KHDRBS2: variants seen among roughly 807,000 people sequenced by gnomAD.
KHDRBS2 encodes KH domain-containing, RNA-binding, signal transduction-associated protein 2.
In KHDRBS2, 26 loss-of-function variants were observed where a neutral mutation model predicts 44.3. The ratio of observed to expected loss-of-function variants is 0.59; its 90% CI spans 0.43 to 0.81. The LOEUF (loss-of-function observed/expected upper bound fraction) is 0.81, where lower values mean the gene tolerates loss of function less well. Among genes scored for constraint, KHDRBS2 ranks in the 40% least tolerant of loss-of-function variants. The probability of loss-of-function intolerance (pLI) is 0.00; values close to 1 mark genes in which losing one functional copy is unlikely to be tolerated. For synonymous variants in KHDRBS2, 194 were observed against 151.1 expected (o/e 1.28, Z -2.08); for missense variants, 476 against 433.1 (o/e 1.10, Z -0.88).
chr6:61,671,125 G>A, the KHDRBS2 span, among the ~76,000 whole-genome samples: 11 of 151,638 alleles, frequency 7.3e-5, no homozygotes, highest in Non-Finnish European at 1.3e-4. Flanking sequence ...GTGTACCATT[G>A]TGAGACAAAA....
chr6:62,095,182 A>T (rs1318208256), intron 2 of KHDRBS2, among the ~76,000 whole-genome samples: 1 of 151,880 alleles, frequency 6.6e-6, no homozygotes, highest in Non-Finnish European at 1.5e-5. Flanking sequence ...AAATAAAGAA[A>T]GCAATCCCTT....
chr6:62,120,084 G>A (rs1178807779), intron 2 of KHDRBS2, among the ~76,000 whole-genome samples: 1 of 152,192 alleles, frequency 6.6e-6, no homozygotes, highest in Non-Finnish European at 1.5e-5. Context: ...TGAATTTATT[G>A]ATTTGGGCCC....
At chr6:61,829,504 G>GA (rs1296665338) in intron 6 of KHDRBS2, among the ~76,000 whole-genome samples, 1 of 151,648 alleles carries the variant, frequency 6.6e-6, no homozygotes, top group African/African-American at 2.4e-5. Flanking sequence ...TATTGGCTTA[G>GA]AAAAATAAAC....
intron 4 of KHDRBS2, among the ~76,000 whole-genome samples, chr6:61,945,041 A>G (rs2127378913): frequency 6.8e-6 from 1 of 146,408 alleles, no homozygotes; most frequent in South Asian, 2.2e-4. Flanking sequence ...CAGTAAGCCA[A>G]GATCGTGCCA....
intron 8 of KHDRBS2, among the ~76,000 whole-genome samples, chr6:61,688,375 ATCAT>A (rs1767040747): frequency 6.6e-6 from 1 of 151,958 alleles, no homozygotes. Flanking sequence ...AAAATGCTGA[ATCAT>A]TCAAAAGACT....
the KHDRBS2 span, among the ~76,000 whole-genome samples, chr6:61,564,783 G>C: frequency 6.6e-6 from 1 of 151,972 alleles, no homozygotes; most frequent in South Asian, 2.1e-4. Context: ...GGTCAGGCTT[G>C]TCTCTCATAA....
chr6:62,214,344 T>C (rs983946752), intron 1 of KHDRBS2, among the ~76,000 whole-genome samples: 8 of 152,210 alleles, frequency 5.3e-5, no homozygotes, highest in Admixed American at 2.0e-4. Flanking sequence ...ATGAAATTAA[T>C]GTATTATTAG....
In KHDRBS2 at chr6:62,246,102, T is replaced by TATATA. The variant is rs1835498957; in HGVS notation, c.91+39755_91+39756insTATAT. On this transcript the variant is annotated intron_variant, in intron 1 of 8. Transcript: ENST00000281156. ...CATAGAAACATTAATTCAATCAATT[T>TATATA]TATATATATATATATATATATATAT... 6.4e-5 allele frequency among the ~76,000 whole-genome samples: 8 copies of TATATA among 124,350 alleles called. No individual in the cohort carries two copies. The East Asian group carries it at 1.2e-3, about 18-fold the overall frequency. The allele number at this position is 124,350 out of a possible 152,430, so 81.6% of individuals were successfully genotyped here.
chr6:61,908,831 A>G (rs1257868831), intron 4 of KHDRBS2, among the ~76,000 whole-genome samples: 1 of 152,152 alleles, frequency 6.6e-6, no homozygotes, highest in Non-Finnish European at 1.5e-5. Flanking sequence ...AGAATTACAA[A>G]TTACCGGGAT....
At chr6:62,168,191 C>A (rs1432421950) in intron 2 of KHDRBS2, among the ~76,000 whole-genome samples, 4 of 152,126 alleles carry the variant, frequency 2.6e-5, no homozygotes, top group African/African-American at 9.7e-5. Context: ...GGGAATGTGG[C>A]TGCATTTGAT....
chr6:62,168,247 T>A (rs116614504), intron 2 of KHDRBS2, among the ~76,000 whole-genome samples: 1 of 152,168 alleles, frequency 6.6e-6, no homozygotes, highest in Non-Finnish European at 1.5e-5. Context: ...CCTGGCAATA[T>A]ATTGCTTTAA....
At chr6:61,602,426 C>T in the KHDRBS2 span, among the ~76,000 whole-genome samples, 1 of 152,120 alleles carries the variant, frequency 6.6e-6, no homozygotes, top group Non-Finnish European at 1.5e-5. Context: ...GCCCAGGATT[C>T]CTCCTAAGCT....
intron 4 of KHDRBS2, among the ~76,000 whole-genome samples, chr6:61,968,457 A>G (rs1770602793): frequency 6.6e-6 from 1 of 152,004 alleles, no homozygotes; most frequent in African/African-American, 2.4e-5. Context: ...GAAAGTGAAA[A>G]CAAGAGGTCC....
intron 6 of KHDRBS2, among the ~76,000 whole-genome samples, chr6:61,846,442 C>T (rs1794415333): frequency 6.6e-6 from 1 of 152,170 alleles, no homozygotes; most frequent in African/African-American, 2.4e-5. Context: ...TTACTACTTT[C>T]CTGATCGGTT....
intron 1 of KHDRBS2, among the ~76,000 whole-genome samples, chr6:62,225,833 C>T (rs1831699536): frequency 6.6e-6 from 1 of 152,028 alleles, no homozygotes; most frequent in South Asian, 2.1e-4. Flanking sequence ...TGATGGCTTC[C>T]TGCTTCATAC....
chr6:62,262,345 G>T (rs10484617), intron 1 of KHDRBS2, among the ~76,000 whole-genome samples: 5,611 of 151,672 alleles, frequency 0.037, 352 homozygotes, highest in African/African-American at 0.13. Flanking sequence ...TGACCTCACC[G>T]ATTGCTTTAT....
the KHDRBS2 span, among the ~76,000 whole-genome samples, chr6:61,546,812 A>G: frequency 5.3e-5 from 8 of 152,260 alleles, no homozygotes; most frequent in Admixed American, 4.6e-4. Context: ...CTGCTTTTGT[A>G]CCACATCGTT....
the KHDRBS2 span, among the ~76,000 whole-genome samples, chr6:61,582,146 A>G: frequency 1.3e-5 from 2 of 151,868 alleles, no homozygotes; most frequent in African/African-American, 2.4e-5. Flanking sequence ...AAAAGTGAAA[A>G]TAGGGTGGTA....
Position 62,104,280 on chromosome 6 carries a change from T to A in KHDRBS2, c.220-56286A>T, listed in dbSNP as rs568379567. On this transcript the variant is annotated intron_variant, in intron 2 of 8. Coordinates refer to ENST00000281156, the MANE Select transcript of KHDRBS2 (RefSeq NM_152688.4). Reference sequence around the variant, plus strand: ...TTACACAAACTAGACCATCTTTTTATCATTAAATAAGTCTTTTTTTTTTAA... The same window carrying A: ...TTACACAAACTAGACCATCTTTTTAACATTAAATAAGTCTTTTTTTTTTAA... Among the ~76,000 whole-genome samples, 12 of 151,878 alleles carry A rather than the reference T, an allele frequency of 7.9e-5. No individual in the cohort carries two copies. The South Asian group carries it at 2.5e-3, about 32-fold the overall frequency.
Sources: allele counts gnomAD v4.1 joint callset (sites outside exome capture counted in the v4.1 genomes callset), GRCh38; gene constraint gnomAD v4.1.1; transcripts MANE v1.5; gene names NCBI Gene and HGNC (gene_info 2026-07-23, HGNC 2026-07-21).